Variants in SDK1 observed in about 807,000 individuals in gnomAD.
SDK1 encodes protein sidekick-1.
Under a neutral mutation model 245.5 loss-of-function variants are expected in SDK1, and 157 were observed. The ratio of observed to expected loss-of-function variants is 0.64; its 90% confidence interval spans 0.56 to 0.73. The LOEUF is 0.73. SDK1 is among the 30% of genes least tolerant of loss of function. SDK1 has a pLI of 0.00. For missense variants in SDK1, 3,583 were observed against 3,002.3 expected (o/e 1.19, Z -4.52); for synonymous variants, 1,647 against 1,278.5 (o/e 1.29, Z -6.15).
intron 1 of SDK1, among the ~76,000 whole-genome samples, chr7:3,608,655 A>G (rs924094127): frequency 1.3e-5 from 2 of 152,216 alleles, no homozygotes; most frequent in Admixed American, 6.5e-5. Context: ...AAACGTGTCA[A>G]CGTTTGGAAG....
At chr7:3,805,874 A>C (rs540601800) in intron 4 of SDK1, among the ~76,000 whole-genome samples, 1 of 152,164 alleles carries the variant, frequency 6.6e-6, no homozygotes. Context: ...TTCTCTTTAA[A>C]CCCTTTTTCT....
In SDK1 at chr7:3,575,427, C is replaced by T. The variant is rs145606305; in HGVS notation, c.299-43653C>T. The stretch of plus-strand genomic sequence containing the variant: ...TCACATCAGGGGTTAGGGCATCAAA[C>T]GAATGAATTTTGGGGGGACACAAAC... On this transcript the variant is annotated intron_variant, in intron 1 of 44. Transcript: ENST00000404826. Among the ~76,000 whole-genome samples, 443 of 152,084 alleles carry T rather than the reference C, an allele frequency of 2.9e-3. 5 individuals carry two copies. The highest frequency in any genetic ancestry group is 9.6e-3 in the South Asian group (46 of 4,814).
chr7:4,240,289 G>A (rs1786436908), intron 42 of SDK1, among the ~76,000 whole-genome samples: 1 of 152,098 alleles, frequency 6.6e-6, no homozygotes, highest in Non-Finnish European at 1.5e-5. Flanking sequence ...CATCATAATT[G>A]AAGCCGGGAA....
At chr7:3,322,563 A>G (rs1779843999) in intron 1 of SDK1, among the ~76,000 whole-genome samples, 1 of 152,194 alleles carries the variant, frequency 6.6e-6, no homozygotes, top group South Asian at 2.1e-4. Flanking sequence ...ACTCTCTCCC[A>G]CAGTGGAAAT....
chr7:4,149,327 C>A lies in SDK1; in HGVS notation c.4489C>A (p.Leu1497Ile). Residue 1497 changes from leucine to isoleucine, a missense_variant, in exon 30 of 45, where the codon CTC (leucine) becomes ATC (isoleucine). Leu to Ile is a conservative substitution (Grantham distance 5). Transcript: ENST00000404826. ...QAEVTARSLR[L>I]QWVPGSDGAS... ...AGAAGTGACCGCACGCAGCCTCCGG[C>A]TCCAGTGGGTCCCGGGCAGCGACGG... The A allele has an allele frequency of 6.3e-7, 1 of 1,592,172 alleles. No homozygotes were observed. The highest frequency in any genetic ancestry group is 2.3e-5 in the East Asian group (1 of 42,944).
At chr7:4,008,992 A>G (rs2128148061) in intron 14 of SDK1, among the ~76,000 whole-genome samples, 1 of 152,348 alleles carries the variant, frequency 6.6e-6, no homozygotes, top group African/African-American at 2.4e-5. Context: ...TGTAGCGGCT[A>G]TACCATTTTA....
chr7:3,625,942 C>CTTTTTTTTTTTTT (rs3086084), intron 2 of SDK1, among the ~76,000 whole-genome samples: 1 of 129,800 alleles, frequency 7.7e-6, no homozygotes, highest in African/African-American at 2.9e-5. Flanking sequence ...TCTTTTCTTT[C>CTTTTTTTTTTTTT]TTTTTTTTTT....
At chr7:4,082,550 A>G (rs1781124857) in intron 22 of SDK1, among the ~76,000 whole-genome samples, 1 of 148,422 alleles carries the variant, frequency 6.7e-6, no homozygotes, top group East Asian at 1.9e-4. Context: ...AAAAAAAAAA[A>G]GAAAAGAAAA....
intron 1 of SDK1, among the ~76,000 whole-genome samples, chr7:3,502,010 AC>A (rs1782230100): frequency 6.6e-6 from 1 of 152,152 alleles, no homozygotes; most frequent in Admixed American, 6.5e-5. Context: ...TGATAGGCAA[AC>A]TTTTAACAAA....
intron 1 of SDK1, among the ~76,000 whole-genome samples, chr7:3,410,103 G>A (rs778483108): frequency 2.0e-5 from 3 of 152,106 alleles, no homozygotes; most frequent in Non-Finnish European, 4.4e-5. Context: ...CACATAATAA[G>A]TAATACTTAA....
chr7:4,248,933 A>G (rs1300872507), intron 44 of SDK1, among the ~76,000 whole-genome samples: 1 of 147,624 alleles, frequency 6.8e-6, no homozygotes, highest in African/African-American at 2.7e-5. Context: ...ACATATGTAC[A>G]TACATGCACA....
In SDK1 at chr7:3,330,369, A is replaced by G. The variant is rs754694694; in HGVS notation, c.298+28485A>G. Among the ~76,000 whole-genome samples, 41 of 152,176 alleles carry G rather than the reference A, an allele frequency of 2.7e-4. 1 individual carries two copies. Among genetic ancestry groups the G allele is most frequent in the Non-Finnish European group, 4.4e-4 (30 of 68,016 alleles). ...TTAAAATAATCATCTCCTGTGGTTT[A>G]AATGTGTTCCCTAAATTTTATGTGT... On this transcript the variant is annotated intron_variant, in intron 1 of 44. Coordinates refer to ENST00000404826, the MANE Select transcript of SDK1 (RefSeq NM_152744.4).
intron 1 of SDK1, among the ~76,000 whole-genome samples, chr7:3,407,733 C>T (rs748097879): frequency 1.3e-5 from 2 of 152,162 alleles, no homozygotes; most frequent in Non-Finnish European, 2.9e-5. Context: ...TATTATGTGT[C>T]AGGTACTGTT....
At chr7:4,105,013 C>T (rs1430820325) in intron 22 of SDK1, among the ~76,000 whole-genome samples, 2 of 152,210 alleles carry the variant, frequency 1.3e-5, no homozygotes, top group East Asian at 3.9e-4. Flanking sequence ...GATGAAGTCG[C>T]ACTCTGTCAC....
intron 1 of SDK1, among the ~76,000 whole-genome samples, chr7:3,430,100 T>C (rs1779794809): frequency 6.6e-6 from 1 of 152,142 alleles, no homozygotes; most frequent in South Asian, 2.1e-4. Context: ...TGCAGCACAG[T>C]CAATGACTAG....
chr7:3,704,082 C>T (rs1411025062), intron 4 of SDK1, among the ~76,000 whole-genome samples: 3 of 152,060 alleles, frequency 2.0e-5, no homozygotes, highest in African/African-American at 4.8e-5. Context: ...CATTATATTG[C>T]ACTGTATGCC....
At chr7:3,810,297 T>C (rs1779353890) in intron 4 of SDK1, among the ~76,000 whole-genome samples, 1 of 152,220 alleles carries the variant, frequency 6.6e-6, no homozygotes, top group Non-Finnish European at 1.5e-5. Flanking sequence ...ATCTAAAGAC[T>C]GAAAACATGT....
At chr7:3,982,016 A>T (rs1004016930) in intron 13 of SDK1, among the ~76,000 whole-genome samples, 4 of 152,186 alleles carry the variant, frequency 2.6e-5, no homozygotes, top group African/African-American at 9.7e-5. Flanking sequence ...AGGAGAAATC[A>T]ATGTCTGGTT....
chr7:3,526,548 A>T (rs567949974), intron 1 of SDK1, among the ~76,000 whole-genome samples: 3 of 152,206 alleles, frequency 2.0e-5, no homozygotes, highest in African/African-American at 7.2e-5. Context: ...TTCATTGCAG[A>T]TAGTTTGGTG....
Sources: allele counts gnomAD v4.1 joint callset (sites outside exome capture counted in the v4.1 genomes callset), GRCh38; gene constraint gnomAD v4.1.1; transcripts MANE v1.5; gene names NCBI Gene and HGNC (gene_info 2026-07-23, HGNC 2026-07-21).